The following CEP128 variants were observed in gnomAD, a reference collection of about 807,000 sequenced individuals.
CEP128 encodes the protein centrosomal protein 128kDa.
In CEP128, 132 loss-of-function variants were observed where a neutral mutation model predicts 156.7. That is an observed-to-expected ratio of 0.84 (90% CI 0.73 to 0.97). The LOEUF (loss-of-function observed/expected upper bound fraction) is 0.97, where lower values mean the gene tolerates loss of function less well. Among genes scored for constraint, CEP128 ranks in the 50% least tolerant of loss-of-function variants. CEP128 has a pLI of 0.00. For missense variants in CEP128, 1,252 were observed against 1,281.9 expected (o/e 0.98, Z 0.36); for synonymous variants, 469 against 448.9 (o/e 1.04, Z -0.57).
At chr14:80,739,820 C>T (rs987157939) in intron 19 of CEP128, among the ~76,000 whole-genome samples, 2 of 151,940 alleles carry the variant, frequency 1.3e-5, no homozygotes, top group African/African-American at 4.8e-5. Flanking sequence ...ATATTGCTAC[C>T]ATAAAATGTA....
In CEP128 at chr14:80,807,390, G is replaced by T. The variant is rs114106332; in HGVS notation, c.1210-14280C>A. Among the ~76,000 whole-genome samples, 714 of 152,156 alleles carry T rather than the reference G, an allele frequency of 4.7e-3. 9 individuals are homozygous for T. Among genetic ancestry groups the T allele is most frequent in the African/African-American group, 0.017 (687 of 41,502 alleles). On this transcript the variant is annotated intron_variant, in intron 13 of 24. Coordinates refer to ENST00000555265, the MANE Select transcript of CEP128 (RefSeq NM_152446.5). ...TGGCTAACTAGAGACACAGACACCC[G>T]CTCTCTGCAGAAGCAAGAACCAAAA...
intron 19 of CEP128, among the ~76,000 whole-genome samples, chr14:80,700,528 C>T (rs1228960479): frequency 6.6e-6 from 1 of 151,004 alleles, no homozygotes; most frequent in Non-Finnish European, 1.5e-5. Flanking sequence ...CATTGACCCC[C>T]CCCAAAAAAG....
At chr14:80,687,833 C>T (rs1896579275) in intron 19 of CEP128, among the ~76,000 whole-genome samples, 2 of 152,274 alleles carry the variant, frequency 1.3e-5, no homozygotes, top group African/African-American at 2.4e-5. Context: ...CAACTGACTA[C>T]TGAATGCCTA....
At chr14:80,790,739 G>A (rs1901661974) in intron 14 of CEP128, among the ~76,000 whole-genome samples, 1 of 152,168 alleles carries the variant, frequency 6.6e-6, no homozygotes, top group South Asian at 2.1e-4. Context: ...GAGAAAAAAA[G>A]CTTTTTGCCG....
chr14:80,912,413 C>G (rs981419418), intron 4 of CEP128, among the ~76,000 whole-genome samples: 7 of 152,114 alleles, frequency 4.6e-5, no homozygotes, highest in African/African-American at 1.7e-4. Flanking sequence ...AGGAAATCTG[C>G]TACCCTAAGT....
intron 19 of CEP128, among the ~76,000 whole-genome samples, chr14:80,637,252 C>T (rs986651596): frequency 2.0e-5 from 3 of 152,048 alleles, no homozygotes; most frequent in African/African-American, 7.2e-5. Flanking sequence ...ATCCCTGGAG[C>T]CATGTTATGC....
chr14:80,787,024 G>A (rs946765192), intron 14 of CEP128, among the ~76,000 whole-genome samples: 5 of 152,162 alleles, frequency 3.3e-5, no homozygotes, highest in Admixed American at 6.5e-5. Context: ...ATGTAAGGTA[G>A]GAGAAATATA....
At chr14:80,599,860 AC>A (rs1892508298) in intron 19 of CEP128, among the ~76,000 whole-genome samples, 1 of 152,186 alleles carries the variant, frequency 6.6e-6, no homozygotes, top group African/African-American at 2.4e-5. Context: ...AAGTAGAAAT[AC>A]TGGATTGAAA....
intron 13 of CEP128, among the ~76,000 whole-genome samples, chr14:80,821,253 A>G (rs971110494): frequency 6.6e-6 from 1 of 152,240 alleles, no homozygotes; most frequent in Non-Finnish European, 1.5e-5. Flanking sequence ...ACTTAAAATG[A>G]TATGCTATCA....
At chr14:80,789,073 AAGG>A (rs1901570103) in intron 14 of CEP128, among the ~76,000 whole-genome samples, 1 of 152,104 alleles carries the variant, frequency 6.6e-6, no homozygotes, top group Non-Finnish European at 1.5e-5. Context: ...TGTTACTGTT[AAGG>A]AGAAGGAGTG....
chr14:80,581,707 G>A (rs1891600146), intron 19 of CEP128, among the ~76,000 whole-genome samples: 1 of 152,112 alleles, frequency 6.6e-6, no homozygotes, highest in Admixed American at 6.6e-5. Flanking sequence ...AAAAGAGCAG[G>A]CCAGTGTTTT....
intron 2 of CEP128, among the ~76,000 whole-genome samples, chr14:80,916,853 A>C (rs1421607767): frequency 6.6e-6 from 1 of 152,208 alleles, no homozygotes; most frequent in African/African-American, 2.4e-5. Flanking sequence ...CCAAATTTTA[A>C]AAGTATTGTC....
At chr14:80,824,268 T>G (rs1885351081) in intron 13 of CEP128, among the ~76,000 whole-genome samples, 1 of 152,232 alleles carries the variant, frequency 6.6e-6, no homozygotes, top group South Asian at 2.1e-4. Context: ...TGGGAGGGGC[T>G]ACTGCAAAAG....
intron 2 of CEP128, among the ~76,000 whole-genome samples, chr14:80,953,974 A>AC (rs1278094781): frequency 1.3e-5 from 2 of 152,180 alleles, no homozygotes; most frequent in African/African-American, 4.8e-5. Flanking sequence ...ATTTTTAAAA[A>AC]AACAACAACA....
At chr14:80,564,649 G>T (rs8017175) in intron 20 of CEP128, among the ~76,000 whole-genome samples, 1 of 152,124 alleles carries the variant, frequency 6.6e-6, no homozygotes, top group Non-Finnish European at 1.5e-5. Context: ...CTTTGGGAAG[G>T]AATTCAGTTC....
intron 13 of CEP128, among the ~76,000 whole-genome samples, chr14:80,797,428 G>A (rs1883556651): frequency 6.6e-6 from 1 of 152,178 alleles, no homozygotes; most frequent in South Asian, 2.1e-4. Context: ...AGAGAAAGCA[G>A]GTTTGAATTT....
intron 19 of CEP128, among the ~76,000 whole-genome samples, chr14:80,629,073 G>A (rs2619659): frequency 0.35 from 53,078 of 150,222 alleles, 11,176 homozygotes; most frequent in African/African-American, 0.59. Context: ...AAAAACAAAC[G>A]GGTTTAACTC....
intron 21 of CEP128, among the ~76,000 whole-genome samples, chr14:80,543,546 A>T (rs1889857494): frequency 6.6e-6 from 1 of 152,234 alleles, no homozygotes; most frequent in Non-Finnish European, 1.5e-5. Context: ...TATATTTTTG[A>T]AGTTGGCCTG....
intron 19 of CEP128, among the ~76,000 whole-genome samples, chr14:80,617,219 CTTTTTTTTTTTTT>C (rs3069115): frequency 1.7e-4 from 10 of 60,226 alleles, no homozygotes; most frequent in Admixed American, 5.9e-4. Context: ...TGAATATCAT[CTTTTTTTTTTTTT>C]TTTTTTTTTT....
Sources: allele counts gnomAD v4.1 joint callset (sites outside exome capture counted in the v4.1 genomes callset), GRCh38; gene constraint gnomAD v4.1.1; transcripts MANE v1.5; gene names NCBI Gene and HGNC (gene_info 2026-07-23, HGNC 2026-07-21).